The following MATCAP2 variants were observed in gnomAD, a reference collection of about 807,000 sequenced individuals.
MATCAP2 encodes microtubule associated tyrosine carboxypeptidase 2, also known as putative tyrosine carboxypeptidase MATCAP2.
the MATCAP2 span, chr7:36,389,941 A>G: frequency 4.3e-6 from 7 of 1,611,902 alleles, no homozygotes; most frequent in East Asian, 1.1e-4. Context: ...GGTTTTTTCC[A>G]GGAGACACAC....
At chr7:36,366,656 G>A in the MATCAP2 span, 1 of 1,527,124 alleles carries the variant, frequency 6.5e-7, no homozygotes, top group Non-Finnish European at 8.8e-7. Context: ...ACCAGCAACC[G>A]GTCTAATATT....
At chr7:36,348,136 A>G in the MATCAP2 span, among the ~76,000 whole-genome samples, 2 of 152,192 alleles carry the variant, frequency 1.3e-5, no homozygotes, top group Non-Finnish European at 2.9e-5. Context: ...GTTACTTCAG[A>G]TAAGCATGGG....
At chr7:36,328,251 G>GGGGGGGC in the MATCAP2 span, among the ~76,000 whole-genome samples, 3 of 104,210 alleles carry the variant, frequency 2.9e-5, no homozygotes, top group Non-Finnish European at 4.3e-5. Context: ...GGGGGGGGGG[G>GGGGGGGC]TCTTGCTATG....
At chr7:36,354,979 G>C in the MATCAP2 span, among the ~76,000 whole-genome samples, 1 of 152,178 alleles carries the variant, frequency 6.6e-6, no homozygotes, top group Non-Finnish European at 1.5e-5. Flanking sequence ...CTAATGGTTG[G>C]AAATCTCTTT....
the MATCAP2 span, among the ~76,000 whole-genome samples, chr7:36,333,352 G>A: frequency 6.6e-6 from 1 of 152,168 alleles, no homozygotes; most frequent in South Asian, 2.1e-4. Flanking sequence ...GTTGCTTAGA[G>A]CTGGAGAGAG....
the MATCAP2 span, among the ~76,000 whole-genome samples, chr7:36,379,191 G>A: frequency 6.5e-4 from 99 of 152,314 alleles, no homozygotes; most frequent in East Asian, 8.3e-3. Flanking sequence ...CAATCATGCT[G>A]GGAGCTGCAG....
chr7:36,334,005 G>A, the MATCAP2 span: 1 of 1,614,088 alleles, frequency 6.2e-7, no homozygotes, highest in South Asian at 1.1e-5. Context: ...GAGGAGGGCA[G>A]CCCTCCATAA....
chr7:36,379,498 C>T, the MATCAP2 span, among the ~76,000 whole-genome samples: 3 of 151,868 alleles, frequency 2.0e-5, no homozygotes, highest in Non-Finnish European at 4.4e-5. Context: ...ATAAAGATAC[C>T]TATATACATA....
chr7:36,355,647 A>T, the MATCAP2 span: 1 of 152,230 alleles, frequency 6.6e-6, no homozygotes, highest in Non-Finnish European at 1.5e-5. Flanking sequence ...AAACAGCAAA[A>T]TATCTGCTGG....
At chr7:36,342,770 G>A in the MATCAP2 span, among the ~76,000 whole-genome samples, 8 of 152,164 alleles carry the variant, frequency 5.3e-5, no homozygotes, top group Non-Finnish European at 1.2e-4. Flanking sequence ...GACTGCAGGC[G>A]CATGCTGCCA....
chr7:36,366,925 G>T, the MATCAP2 span: 4 of 1,437,456 alleles, frequency 2.8e-6, no homozygotes, highest in South Asian at 5.9e-5. Context: ...CCCGTCACGC[G>T]AATGGACTCC....
chr7:36,383,260 T>C, the MATCAP2 span, among the ~76,000 whole-genome samples: 1 of 152,164 alleles, frequency 6.6e-6, no homozygotes, highest in African/African-American at 2.4e-5. Flanking sequence ...TTCTTCATTA[T>C]AATAAATGTG....
the MATCAP2 span, among the ~76,000 whole-genome samples, chr7:36,375,536 G>C: frequency 6.6e-6 from 1 of 152,212 alleles, no homozygotes; most frequent in East Asian, 1.9e-4. Context: ...CAGGGATATT[G>C]GTCTAAAATT....
At chr7:36,390,097 C>T in the MATCAP2 span, 2 of 1,611,954 alleles carry the variant, frequency 1.2e-6, no homozygotes, top group Admixed American at 3.3e-5. Flanking sequence ...TAGGCCCCCA[C>T]CCACCTTCCT....
At chr7:36,325,174 CG>C in the MATCAP2 span, 1 of 152,212 alleles carries the variant, frequency 6.6e-6, no homozygotes, top group African/African-American at 2.4e-5. Flanking sequence ...TTCTAGTGTT[CG>C]GTGAGCATTG....
the MATCAP2 span, among the ~76,000 whole-genome samples, chr7:36,331,602 A>C: frequency 6.6e-6 from 1 of 152,310 alleles, no homozygotes; most frequent in South Asian, 2.1e-4. Flanking sequence ...TTAAAGCATA[A>C]ATTTGACATT....
chr7:36,327,041 G>A, the MATCAP2 span: 1 of 799,550 alleles, frequency 1.3e-6, no homozygotes, highest in African/African-American at 1.7e-5. Context: ...TTTAATAGCT[G>A]CAAAGTAACA....
the MATCAP2 span, chr7:36,324,538 C>A: frequency 6.6e-6 from 1 of 152,076 alleles, no homozygotes; most frequent in Non-Finnish European, 1.5e-5. Context: ...AACTATTCTC[C>A]TAAGTACTGT....
chr7:36,357,402 G>C, the MATCAP2 span: 6 of 1,614,012 alleles, frequency 3.7e-6, no homozygotes, highest in Non-Finnish European at 5.1e-6. Context: ...GACTGTTTTT[G>C]TGAATGATAC....
Sources: allele counts gnomAD v4.1 joint callset (sites outside exome capture counted in the v4.1 genomes callset), GRCh38; gene constraint gnomAD v4.1.1; transcripts MANE v1.5; gene names NCBI Gene and HGNC (gene_info 2026-07-23, HGNC 2026-07-21).